PIK3C2G: variants seen among roughly 807,000 people sequenced by gnomAD.
PIK3C2G encodes phosphatidylinositol 3-kinase C2 domain-containing subunit gamma.
In PIK3C2G, 168 loss-of-function variants were observed where a neutral mutation model predicts 181.1. That is an observed-to-expected ratio of 0.93 (90% CI 0.82 to 1.05). PIK3C2G has a LOEUF of 1.05. Among genes scored for constraint, PIK3C2G ranks in the 50% least tolerant of loss-of-function variants. The pLI is 0.00. For missense variants in PIK3C2G, 1,869 were observed against 1,732.8 expected, an observed-to-expected ratio of 1.08 and a Z score of -1.40; for synonymous variants, 573 against 592.2, an observed-to-expected ratio of 0.97 and a Z score of 0.47.
intron 18 of PIK3C2G, among the ~76,000 whole-genome samples, chr12:18,471,310 T>C (rs1316085166): frequency 6.6e-6 from 1 of 152,118 alleles, no homozygotes; most frequent in Non-Finnish European, 1.5e-5. Flanking sequence ...TCAACCTACA[T>C]GAATTCAACA....
chr12:18,723,881 C>T, the PIK3C2G span, among the ~76,000 whole-genome samples: 1 of 152,016 alleles, frequency 6.6e-6, no homozygotes, highest in Non-Finnish European at 1.5e-5. Flanking sequence ...TAATCTCATG[C>T]CACTGGTGTG....
chr12:18,246,666 GC>G (rs1360972345), upstream of PIK3C2G, among the ~76,000 whole-genome samples: 4 of 151,992 alleles, frequency 2.6e-5, no homozygotes, highest in Admixed American at 2.0e-4. Context: ...AAATGATAAA[GC>G]ATGTGAACTG....
At chr12:18,264,014 CT>C in intron 1 of PIK3C2G, among the ~76,000 whole-genome samples, 1 of 152,230 alleles carries the variant, frequency 6.6e-6, no homozygotes, top group African/African-American at 2.4e-5. Flanking sequence ...CTTTTCTCAT[CT>C]TCTCACTTAC....
chr12:18,533,977 C>G (rs1369880603), intron 24 of PIK3C2G, among the ~76,000 whole-genome samples: 4 of 118,208 alleles, frequency 3.4e-5, no homozygotes, highest in Non-Finnish European at 4.9e-5. Context: ...TGAGACAGAG[C>G]CTTGCTCTGT....
intron 26 of PIK3C2G, among the ~76,000 whole-genome samples, chr12:18,559,779 TATA>T (rs1945204655): frequency 1.1e-3 from 40 of 35,800 alleles, no homozygotes; most frequent in Non-Finnish European, 1.6e-3. Flanking sequence ...TATGAAATTA[TATA>T]TATATATATA....
At chr12:18,712,966 C>T in the PIK3C2G span, 34 of 1,613,772 alleles carry the variant, frequency 2.1e-5, no homozygotes, top group Non-Finnish European at 2.4e-5. Flanking sequence ...CTCCAAACAA[C>T]GGCATCCTTT....
chr12:18,395,052 T>C (rs1943780119), intron 15 of PIK3C2G, among the ~76,000 whole-genome samples: 1 of 143,884 alleles, frequency 7.0e-6, no homozygotes, highest in Non-Finnish European at 1.5e-5. Flanking sequence ...TCATTTTCTC[T>C]TTCCTTCCTT....
At chr12:18,351,754 T>C (rs951739342) in intron 11 of PIK3C2G, among the ~76,000 whole-genome samples, 1 of 152,232 alleles carries the variant, frequency 6.6e-6, no homozygotes, top group African/African-American at 2.4e-5. Flanking sequence ...TATAGATTAC[T>C]TATAATACTT....
chr12:18,286,561 TG>T (rs1409954781), intron 2 of PIK3C2G, among the ~76,000 whole-genome samples: 1 of 152,066 alleles, frequency 6.6e-6, no homozygotes, highest in Non-Finnish European at 1.5e-5. Context: ...CAAATAGATA[TG>T]CAGATGGATA....
intron 16 of PIK3C2G, among the ~76,000 whole-genome samples, chr12:18,405,811 A>C (rs1347913005): frequency 6.6e-6 from 1 of 152,174 alleles, no homozygotes; most frequent in East Asian, 1.9e-4. Context: ...CTTTTGATCT[A>C]TATATACATT....
intron 1 of PIK3C2G, among the ~76,000 whole-genome samples, chr12:18,250,558 G>A (rs1381559460): frequency 6.6e-6 from 1 of 151,958 alleles, no homozygotes; most frequent in African/African-American, 2.4e-5. Flanking sequence ...CAGAAACAAA[G>A]CAGATATTCC....
intron 6 of PIK3C2G, among the ~76,000 whole-genome samples, chr12:18,317,827 TA>T (rs1950934609): frequency 6.6e-6 from 1 of 152,256 alleles, no homozygotes; most frequent in Non-Finnish European, 1.5e-5. Context: ...AATCTCTGTT[TA>T]ATTTCTTCAT....
chr12:18,281,934 C>G (rs1399228798), intron 1 of PIK3C2G, 70 bp from the exon 2 acceptor site: 1 of 605,750 alleles, frequency 1.7e-6, no homozygotes, highest in Non-Finnish European at 3.0e-6. Flanking sequence ...AGTTATTTAT[C>G]CTATATCTGT....
upstream of PIK3C2G, among the ~76,000 whole-genome samples, chr12:18,244,629 C>A (rs1386784112): frequency 6.8e-6 from 1 of 146,086 alleles, no homozygotes; most frequent in Admixed American, 6.9e-5. Flanking sequence ...CAGGAAAATA[C>A]TACAATTTCC....
At position 18,638,612 on chromosome 12, in the gene PIK3C2G, T is replaced by C. The variant is rs1041254108; in HGVS notation, c.4183-1817T>C. On this transcript the variant is annotated intron_variant, in intron 31 of 32. Transcript: ENST00000538779. ...ATAAGGGTCTCCTTCAGGGCACACA[T>C]AGAAGTTTTAGGTCATTTATGCAGT... Among the ~76,000 whole-genome samples, 12 of 152,124 alleles carry C rather than the reference T, an allele frequency of 7.9e-5. No individual in the cohort carries two copies. The East Asian group carries it at 2.1e-3, about 27-fold the overall frequency.
chr12:18,562,815 C>G lies in PIK3C2G; in HGVS notation c.3703C>G (p.Gln1235Glu), dbSNP rs1326059090. The G allele has an allele frequency of 5.0e-6, 8 of 1,607,772 alleles. No homozygotes were observed. Among genetic ancestry groups the G allele is most frequent in the Non-Finnish European group, 6.8e-6 (8 of 1,176,620 alleles). Residue 1235 changes from glutamine (Q) to glutamate (E), a missense_variant, in exon 27 of 33, where the codon CAG (glutamine) becomes GAG (glutamate). Gln to Glu is a conservative substitution (Grantham distance 29). Transcript: ENST00000538779. ...CAAATCTACTTCACAGACTTTTCCTCAGGAATCCTGTTTGCTGAGTACAAC... is the reference window on the plus strand; with the variant it reads ...CAAATCTACTTCACAGACTTTTCCTGAGGAATCCTGTTTGCTGAGTACAAC... ...PAKSTSQTFP[Q>E]ESCLLSTTRS...
chr12:18,615,471 G>T (rs904549291), intron 31 of PIK3C2G, among the ~76,000 whole-genome samples: 2 of 149,986 alleles, frequency 1.3e-5, no homozygotes, highest in East Asian at 3.9e-4. Context: ...TTTTTCACTT[G>T]TTGGTTGATG....
At chr12:18,482,174 C>T (rs1254071771) in intron 18 of PIK3C2G, among the ~76,000 whole-genome samples, 3 of 149,196 alleles carry the variant, frequency 2.0e-5, no homozygotes, top group East Asian at 2.0e-4. Context: ...CCGCCACCCT[C>T]GCACCCCTAG....
chr12:18,624,175 A>G (rs982426717), intron 31 of PIK3C2G, among the ~76,000 whole-genome samples: 1 of 151,734 alleles, frequency 6.6e-6, no homozygotes, highest in African/African-American at 2.4e-5. Flanking sequence ...GGTTTGTCAT[A>G]TATGGCCTTA....
Sources: gnomAD v4.1 joint callset for allele counts (sites outside exome capture counted in the v4.1 genomes callset) on GRCh38, gnomAD v4.1.1 for gene constraint, MANE v1.5 for transcripts, NCBI Gene and HGNC (gene_info 2026-07-23, HGNC 2026-07-21) for gene names.